The following RGS3 variants were observed in gnomAD, a reference collection of about 807,000 sequenced individuals.
RGS3 encodes the protein regulator of G protein signaling 3.
RGS3 carries 80 observed loss-of-function variants against 132.6 expected under a neutral mutation model. The observed-to-expected ratio is 0.60, with a 90% CI of 0.50 to 0.73. The LOEUF is 0.73. Ranked by LOEUF, RGS3 falls within the 30% of genes least tolerant of loss-of-function variation. The pLI, the probability that RGS3 is intolerant of heterozygous loss-of-function variation, is 0.00. For synonymous variants in RGS3, 598 were observed against 620.6 expected (o/e 0.96, Z 0.54); for missense variants, 1,382 against 1,530.8 (o/e 0.90, Z 1.62).
chr9:113,575,577 A>G (rs148706422), intron 19 of RGS3, among the ~76,000 whole-genome samples: 3,750 of 152,126 alleles, frequency 0.025, 66 homozygotes, highest in Admixed American at 0.038. Context: ...AGAGGGTTCT[A>G]TGTGTTGGAA....
At chr9:113,474,416 G>A (rs1829928957) in intron 3 of RGS3, among the ~76,000 whole-genome samples, 2 of 152,190 alleles carry the variant, frequency 1.3e-5, no homozygotes, top group Admixed American at 1.3e-4. Flanking sequence ...CAGCGCCACT[G>A]CAGCCTACCA....
Position 113,481,428 on chromosome 9 carries a change from G to C in RGS3, c.467-1631G>C, listed in dbSNP as rs541095621. Among the ~76,000 whole-genome samples the C allele has an allele frequency of 1.3e-3, 196 of 152,350 alleles. 1 individual carries two copies. Among genetic ancestry groups the C allele is most frequent in the African/African-American group, 4.5e-3 (189 of 41,576 alleles). ...GAGGGAAATGATGCACACAGGAACA[G>C]TAACCAGGATACTGGGCAGAGTAGA... is the stretch of plus-strand genomic sequence containing the variant. On this transcript the variant is annotated intron_variant, in intron 4 of 24. Coordinates refer to ENST00000350696, the Ensembl canonical transcript of RGS3.
At chr9:113,452,065 C>G (rs1466980898) in intron 1 of RGS3, among the ~76,000 whole-genome samples, 2 of 152,138 alleles carry the variant, frequency 1.3e-5, no homozygotes, top group African/African-American at 2.4e-5. Flanking sequence ...ATAGTGTGAT[C>G]ATAGCTCACT....
intron 23 of RGS3, 139 bp from the exon 22 acceptor site, chr9:113,595,460 G>T (rs956450409): frequency 6.9e-5 from 62 of 902,426 alleles, no homozygotes; most frequent in Non-Finnish European, 9.7e-5. Context: ...ACATCCCAGG[G>T]CTCCTGGCTG....
intron 19 of RGS3, chr9:113,582,392 C>T (rs535740627): frequency 5.9e-6 from 1 of 170,656 alleles, no homozygotes; most frequent in East Asian, 1.9e-4. Flanking sequence ...GCACACATTC[C>T]CAAGCATCTG....
intron 18 of RGS3, among the ~76,000 whole-genome samples, chr9:113,533,688 C>CGGGCCAGGGCCCTGGCCA (rs1554771468): frequency 3.3e-5 from 5 of 152,174 alleles, no homozygotes; most frequent in African/African-American, 1.2e-4. Context: ...CTGGGAGGCT[C>CGGGCCAGGGCCCTGGCCA]GGGCCAGGGC....
chr9:113,559,345 C>T (rs1234438263), intron 19 of RGS3, among the ~76,000 whole-genome samples: 1 of 152,228 alleles, frequency 6.6e-6, no homozygotes. Context: ...GGGAGACAGT[C>T]ATGGCTCCCA....
At position 113,565,789 on chromosome 9, in the gene RGS3, G is replaced by A. The variant is rs1230390390; in HGVS notation, c.2038-17661G>A. The A allele has an allele frequency of 5.1e-6, 1 of 197,884 alleles. No individual in the cohort carries two copies. Among genetic ancestry groups the A allele is most frequent in the South Asian group, 8.2e-5 (1 of 12,232 alleles). The allele number at this position is 197,884 out of a possible 1,614,324, so 12.3% of individuals were successfully genotyped here. A position where few individuals can be genotyped will look rare whatever the true frequency, so the allele number is the denominator to read the frequency against. ...TGGGCGGGCATCCAAGCCACCCTGTGCCCCTGTTTCTATTGTTTCTTCCCC... is the reference window on the plus strand; with the variant it reads ...TGGGCGGGCATCCAAGCCACCCTGTACCCCTGTTTCTATTGTTTCTTCCCC... On this transcript the variant is annotated intron_variant, in intron 19 of 24. Coordinates refer to ENST00000350696, the Ensembl canonical transcript of RGS3. This position sits in a 1 kb window ranked among gnomAD's most constrained non-coding sequence, Gnocchi z 5.7.
rs1367222898 is a variant in RGS3 at position 113,583,312 on chromosome 9, T to C, written c.2038-138T>C. 2.1e-6 allele frequency: 3 copies of C among 1,421,726 alleles called. No homozygotes were observed. The East Asian group carries it at 7.5e-5, about 35-fold the overall frequency. 88.1% of individuals were successfully genotyped at this position (1,421,726 alleles called of 1,614,324 possible). ...AGCTAAGTCAAAGGGGCTTTGGGGG[T>C]TCCATCTGGCACCTCAGCTTTCAGA... On this transcript the variant is annotated intron_variant, in intron 19 of 24. Coordinates refer to ENST00000350696, the Ensembl canonical transcript of RGS3.
intron 3 of RGS3, among the ~76,000 whole-genome samples, chr9:113,464,239 G>C (rs1829555855): frequency 6.6e-6 from 1 of 152,256 alleles, no homozygotes; most frequent in African/African-American, 2.4e-5. Context: ...ATAGCAACTG[G>C]AGATCTCATT....
intron 19 of RGS3, among the ~76,000 whole-genome samples, chr9:113,577,945 T>C (rs1485823362): frequency 6.6e-6 from 1 of 152,266 alleles, no homozygotes; most frequent in Non-Finnish European, 1.5e-5. Context: ...TTCTTATTCC[T>C]TCCTTTATGC....
intron 3 of RGS3, among the ~76,000 whole-genome samples, chr9:113,469,677 A>G (rs1829766943): frequency 6.6e-6 from 1 of 151,952 alleles, no homozygotes; most frequent in Non-Finnish European, 1.5e-5. Context: ...TTGATAATGC[A>G]GTTTTTTTCT....
At chr9:113,581,478 G>A (rs1834803019) in intron 19 of RGS3, 1 of 152,224 alleles carries the variant, frequency 6.6e-6, no homozygotes, top group African/African-American at 2.4e-5. Context: ...ACGTGCCTCT[G>A]GTTGAGGTCC....
At position 113,484,243 on chromosome 9, in the gene RGS3, G is replaced by A. The variant is rs1332218612; in HGVS notation, c.620+11G>A. Reference sequence around the variant, plus strand: ...CGAGCACTTCTTCTTGTAAGAGTCTGGTGCAGCTGGGCCCTAGAAAGGAGA... The same window carrying A: ...CGAGCACTTCTTCTTGTAAGAGTCTAGTGCAGCTGGGCCCTAGAAAGGAGA... On this transcript the variant is annotated intron_variant, in intron 6 of 24. Transcript: ENST00000350696. The A allele has an allele frequency of 1.3e-6, 2 of 1,522,208 alleles. No homozygotes were observed. Among genetic ancestry groups the A allele is most frequent in the South Asian group, 1.1e-5 (1 of 89,250 alleles). The allele number at this position is 1,522,208 out of a possible 1,614,324, so 94.3% of individuals were successfully genotyped here.
intron 8 of RGS3, 118 bp from the exon 7 acceptor site, chr9:113,497,196 G>A (rs1204918378): frequency 1.4e-6 from 1 of 733,276 alleles, no homozygotes; most frequent in African/African-American, 1.7e-5. Context: ...GAAGGCTGGA[G>A]AGTCTGTCTC....
At chr9:113,468,284 C>T (rs960926453) in intron 3 of RGS3, among the ~76,000 whole-genome samples, 1 of 152,028 alleles carries the variant, frequency 6.6e-6, no homozygotes, top group Non-Finnish European at 1.5e-5. Flanking sequence ...TCCAGTTGTC[C>T]CAGTACCATT....
chr9:113,526,649 T>C (rs1447707675), intron 17 of RGS3, among the ~76,000 whole-genome samples: 2 of 152,080 alleles, frequency 1.3e-5, no homozygotes, highest in Middle Eastern at 3.2e-3. Context: ...GGATCTCAGA[T>C]CAGGTGAGAG....
Position 113,522,920 on chromosome 9 carries a change from G to A in RGS3, c.1759-10G>A, listed in dbSNP as rs1286232184. ...AAGTAGCCAGTTCTGTTTGCTCTCT[G>A]TCAACCCAGGTGACACTGTTTGCCT... On this transcript the variant is annotated splice_polypyrimidine_tract_variant and intron_variant, in intron 16 of 24. Transcript: ENST00000350696. 6.3e-7 allele frequency: 1 copy of A among 1,595,176 alleles called. No homozygotes were observed. The highest frequency in any genetic ancestry group is 8.6e-7 in the Non-Finnish European group (1 of 1,162,830).
chr9:113,584,176 G>A, exon 20 of RGS3: 1 of 1,614,246 alleles, frequency 6.2e-7, no homozygotes, highest in Admixed American at 1.7e-5. Context: ...GATCGAGACG[G>A]GCCAGGGGGC....
Sources: allele counts gnomAD v4.1 joint callset (sites outside exome capture counted in the v4.1 genomes callset), GRCh38; gene constraint gnomAD v4.1.1; non-coding constraint Gnocchi (gnomAD v3.1); transcripts MANE v1.5; gene names NCBI Gene and HGNC (gene_info 2026-07-23, HGNC 2026-07-21).